STIM2: variants seen among roughly 807,000 people sequenced by gnomAD.
The protein encoded by STIM2 is stromal interaction molecule 2.
Under a neutral mutation model 85.8 loss-of-function variants are expected in STIM2, and 31 were observed. The observed-to-expected ratio is 0.36, with a 90% CI of 0.27 to 0.49. The LOEUF (loss-of-function observed/expected upper bound fraction) is 0.49. STIM2 is among the 20% of genes least tolerant of loss of function. STIM2 has a pLI of 0.98. For synonymous variants in STIM2, 356 were observed against 331.1 expected (o/e 1.08, Z -0.82); for missense variants, 841 against 927.6 (o/e 0.91, Z 1.21).
intron 1 of STIM2, 52 bp downstream of exon 1, chr4:26,861,421 C>G: frequency 7.9e-6 from 10 of 1,270,262 alleles, no homozygotes; most frequent in Non-Finnish European, 9.9e-6. Flanking sequence ...GATGGGACCC[C>G]CAACCCGTGC....
At chr4:26,958,954 TTGAA>T (rs1481055059) in intron 3 of STIM2, among the ~76,000 whole-genome samples, 2 of 152,176 alleles carry the variant, frequency 1.3e-5, no homozygotes, top group South Asian at 4.1e-4. Context: ...TTGACTGTGT[TTGAA>T]TGAAGAAAAA....
intron 1 of STIM2, among the ~76,000 whole-genome samples, chr4:26,864,629 G>C (rs1265349839): frequency 1.3e-5 from 2 of 152,078 alleles, no homozygotes; most frequent in Non-Finnish European, 2.9e-5. Flanking sequence ...ATTCTTTAGT[G>C]CCTATGTGAA....
chr4:26,944,599 A>G (rs1048936784), intron 2 of STIM2, among the ~76,000 whole-genome samples: 5 of 152,324 alleles, frequency 3.3e-5, no homozygotes, highest in African/African-American at 9.6e-5. Flanking sequence ...AAATACTCCA[A>G]TTAAGAGTGA....
At chr4:26,887,224 G>A (rs929852037) in intron 1 of STIM2, among the ~76,000 whole-genome samples, 7 of 108,094 alleles carry the variant, frequency 6.5e-5, no homozygotes, top group East Asian at 2.6e-4. Flanking sequence ...TGCCTTGTCC[G>A]TGATCCCTTT....
In STIM2 at chr4:26,957,642, GC is replaced by G; in HGVS notation, c.314del (p.Ala105ValfsTer15). The G allele has an allele frequency of 6.4e-7, 1 of 1,572,984 alleles. No homozygotes were observed. Among genetic ancestry groups the G allele is most frequent in the Non-Finnish European group, 8.6e-7 (1 of 1,163,680 alleles). ...CAGAGAAGATATGAAATATAAAGAT[GC>G]TACTAATAAACACAGCCATCTGCAC... On this transcript the variant is annotated frameshift_variant, in exon 3 of 12. Transcript: ENST00000467087. LOFTEE classifies it high-confidence loss of function.
Position 27,020,993 on chromosome 4 carries a change from G to A in STIM2, c.1764-1526G>A, listed in dbSNP as rs1478914565. On this transcript the variant is annotated intron_variant, in intron 11 of 11. Coordinates refer to ENST00000467087, the MANE Select transcript of STIM2 (RefSeq NM_020860.4). Reference sequence around the variant, plus strand: ...TTTCTCAATCATTTCCTTTCATGGAGTGAACAGTATTCACCTTGGGCTCGG... The same window carrying A: ...TTTCTCAATCATTTCCTTTCATGGAATGAACAGTATTCACCTTGGGCTCGG... 3 of 1,535,020 alleles carry A rather than the reference G, an allele frequency of 2.0e-6. No individual in the cohort carries two copies. The South Asian group carries it at 3.6e-5, about 18-fold the overall frequency.
At chr4:26,971,013 A>G (rs1426999723) in intron 3 of STIM2, among the ~76,000 whole-genome samples, 11 of 152,062 alleles carry the variant, frequency 7.2e-5, no homozygotes, top group Admixed American at 7.2e-4. Context: ...ACATTTTTTC[A>G]TGTGTCTGTT....
At chr4:26,907,811 T>A (rs973177743) in intron 1 of STIM2, among the ~76,000 whole-genome samples, 5 of 152,198 alleles carry the variant, frequency 3.3e-5, no homozygotes, top group African/African-American at 1.2e-4. Flanking sequence ...GTTCCCAACT[T>A]AAAAATACTT....
At chr4:26,863,722 A>G (rs555583844) in intron 1 of STIM2, among the ~76,000 whole-genome samples, 24 of 152,276 alleles carry the variant, frequency 1.6e-4, no homozygotes, top group African/African-American at 5.3e-4. Flanking sequence ...AGCATCAGTA[A>G]TAAGAGAACT....
intron 3 of STIM2, among the ~76,000 whole-genome samples, chr4:26,971,738 G>A (rs1202669279): frequency 1.3e-5 from 2 of 152,052 alleles, no homozygotes; most frequent in African/African-American, 4.8e-5. Context: ...CTCTTTTTTG[G>A]TTCCATATGA....
chr4:26,973,030 A>C (rs1344273726), intron 3 of STIM2, among the ~76,000 whole-genome samples: 1 of 152,086 alleles, frequency 6.6e-6, no homozygotes, highest in Admixed American at 6.5e-5. Context: ...ATTTGCGTAG[A>C]GGTGTTTATA....
chr4:26,902,428 A>G (rs1391522404), intron 1 of STIM2, among the ~76,000 whole-genome samples: 1 of 152,200 alleles, frequency 6.6e-6, no homozygotes, highest in East Asian at 1.9e-4. Flanking sequence ...AAGTGTTAAG[A>G]GTATAGCTAC....
chr4:26,891,809 C>A (rs1284391387), intron 1 of STIM2, among the ~76,000 whole-genome samples: 1 of 152,212 alleles, frequency 6.6e-6, no homozygotes, highest in Non-Finnish European at 1.5e-5. Flanking sequence ...TACCACATCA[C>A]TAGACCCTTA....
At chr4:26,941,405 A>G (rs939580449) in intron 2 of STIM2, among the ~76,000 whole-genome samples, 6 of 151,896 alleles carry the variant, frequency 4.0e-5, no homozygotes, top group African/African-American at 7.3e-5. Context: ...TCCATTTTCC[A>G]TCCCTTATCC....
At chr4:26,970,213 ATATATATATG>A (rs1332810302) in intron 3 of STIM2, among the ~76,000 whole-genome samples, 12 of 10,064 alleles carry the variant, frequency 1.2e-3, no homozygotes, top group Admixed American at 2.5e-3. Context: ...ATATATATAT[ATATATATATG>A]TATATATATA....
intron 1 of STIM2, among the ~76,000 whole-genome samples, chr4:26,917,090 G>C (rs1046287381): frequency 1.3e-5 from 2 of 152,084 alleles, no homozygotes; most frequent in African/African-American, 4.8e-5. Flanking sequence ...GGAGAAACAT[G>C]GTCCCTGCCC....
intron 1 of STIM2, among the ~76,000 whole-genome samples, chr4:26,911,561 T>A (rs1724340110): frequency 6.6e-6 from 1 of 152,200 alleles, no homozygotes; most frequent in Non-Finnish European, 1.5e-5. Flanking sequence ...GTTGGTAAAG[T>A]CTGTCTCCTT....
chr4:27,002,153 CTT>C, intron 5 of STIM2, 62 bp from the exon 6 acceptor site: 1 of 1,453,308 alleles, frequency 6.9e-7, no homozygotes, highest in Non-Finnish European at 9.2e-7. Flanking sequence ...TAAAAAATGT[CTT>C]TTTGTATTGA....
At chr4:26,990,338 C>G (rs1245222349) in intron 3 of STIM2, among the ~76,000 whole-genome samples, 1 of 152,034 alleles carries the variant, frequency 6.6e-6, no homozygotes, top group Non-Finnish European at 1.5e-5. Flanking sequence ...CAAAGGCACC[C>G]AAAATGTGCA....
Sources: gnomAD v4.1 joint callset for allele counts (sites outside exome capture counted in the v4.1 genomes callset) on GRCh38, gnomAD v4.1.1 for gene constraint, MANE v1.5 for transcripts, NCBI Gene and HGNC (gene_info 2026-07-23, HGNC 2026-07-21) for gene names.